The following CD180 variants were observed in gnomAD, a reference collection of about 807,000 sequenced individuals.
The protein encoded by CD180 is CD180 molecule.
A neutral mutation model predicts 10.7 loss-of-function variants in CD180; 11 were observed. That is an observed-to-expected ratio of 1.03 (90% CI 0.65 to 1.70). The LOEUF is 1.70. Ranked by LOEUF, CD180 falls within the 40% of genes most tolerant of loss-of-function variation. The probability of loss-of-function intolerance (pLI) is 0.00; values close to 1 mark genes in which losing one functional copy is unlikely to be tolerated. For synonymous variants in CD180, 286 were observed against 294.6 expected, an observed-to-expected ratio of 0.97 and a Z score of 0.30; for missense variants, 729 against 775.2, an observed-to-expected ratio of 0.94 and a Z score of 0.71.
intron 1 of CD180, among the ~76,000 whole-genome samples, chr5:67,195,414 G>T (rs1742381210): frequency 6.6e-6 from 1 of 152,072 alleles, no homozygotes; most frequent in Non-Finnish European, 1.5e-5. Context: ...ATGGGGTTTT[G>T]CCATGTTGCC....
intron 1 of CD180, among the ~76,000 whole-genome samples, chr5:67,192,011 C>G (rs5744486): frequency 0.077 from 11,723 of 152,094 alleles, 853 homozygotes; most frequent in East Asian, 0.18. Context: ...GATAATATCA[C>G]GGTCTTGAGG....
chr5:67,191,742 C>CAG (rs1005040993), intron 1 of CD180, among the ~76,000 whole-genome samples: 2 of 151,394 alleles, frequency 1.3e-5, no homozygotes, highest in African/African-American at 4.8e-5. Flanking sequence ...CAAACATTCA[C>CAG]AGAGAGAGAG....
chr5:67,192,223 T>C (rs371146489), intron 1 of CD180, among the ~76,000 whole-genome samples: 4 of 151,988 alleles, frequency 2.6e-5, no homozygotes, highest in Admixed American at 1.3e-4. Flanking sequence ...ACTCCGTCTC[T>C]ACTAAAAATA....
In CD180 at chr5:67,184,123, A is replaced by G. The variant is rs1742128130; in HGVS notation, c.720T>C (p.Asn240=). The change falls in exon 3 of 3, where the codon AAT becomes AAC. Residue 240 remains asparagine (N), a synonymous_variant. Coordinates refer to ENST00000256447, the MANE Select transcript of CD180 (RefSeq NM_005582.3). ...ACTGAGTAGTAGAGTTCTGCAGACC[A>G]TTGAATATAACAGACAAATTTGGAG... ...GGTPNLSVIF[N]GLQNSTTQSL... 1 of 1,614,160 alleles carries G rather than the reference A, an allele frequency of 6.2e-7. No individual in the cohort carries two copies. The highest frequency in any genetic ancestry group is 8.5e-7 in the Non-Finnish European group (1 of 1,180,018).
chr5:67,188,003 C>G (rs1742230546), intron 1 of CD180, among the ~76,000 whole-genome samples: 1 of 152,084 alleles, frequency 6.6e-6, no homozygotes, highest in African/African-American at 2.4e-5. Context: ...AACCCCGTCT[C>G]TACTAAAAAT....
At position 67,184,235 on chromosome 5, in the gene CD180, C is replaced by G. The variant is rs927022935; in HGVS notation, c.608G>C (p.Ser203Thr). ...MRSLEQAINL[S>T]LNFNGNNVKG... ...AACATTATTGCCATTGAAGTTCAGGCTTAGGTTGATGGCCTGCTCCAGAGA... is the reference window on the plus strand; with the variant it reads ...AACATTATTGCCATTGAAGTTCAGGGTTAGGTTGATGGCCTGCTCCAGAGA... The change falls in exon 3 of 3, where the codon AGC becomes ACC. Residue 203 changes from serine to threonine, a missense_variant. Ser to Thr is a moderately conservative substitution (Grantham distance 58, BLOSUM62 1). Transcript: ENST00000256447. The G allele has an allele frequency of 1.9e-6, 3 of 1,613,990 alleles. No homozygotes were observed. The highest frequency in any genetic ancestry group is 2.5e-6 in the Non-Finnish European group (3 of 1,180,018).
At chr5:67,189,426 C>T (rs571531445) in intron 1 of CD180, among the ~76,000 whole-genome samples, 53 of 152,140 alleles carry the variant, frequency 3.5e-4, no homozygotes, top group Non-Finnish European at 7.1e-4. Flanking sequence ...GAGTGGATGA[C>T]GCTACCAAGA....
Position 67,182,529 on chromosome 5 carries a change from A to C in CD180, c.*328T>G, listed in dbSNP as rs1742067501. On this transcript the variant is annotated 3_prime_UTR_variant, in exon 3 of 3. Coordinates refer to ENST00000256447, the MANE Select transcript of CD180 (RefSeq NM_005582.3). ...AGGGATGTCGGTGAGTAGAAGGGGA[A>C]TGGCCTCCCTGTGGGAGACTCCGGG... 5.2e-6 allele frequency: 1 copy of C among 193,256 alleles called. No homozygotes were observed. Among genetic ancestry groups the C allele is most frequent in the Non-Finnish European group, 1.1e-5 (1 of 94,212 alleles). The allele number at this position is 193,256 out of a possible 1,614,324, so 12.0% of individuals were successfully genotyped here.
Position 67,183,588 on chromosome 5 carries a change from A to G in CD180, c.1255T>C (p.Cys419Arg), listed in dbSNP as rs1383966833. Residue 419 changes from cysteine to arginine, a missense_variant, in exon 3 of 3, where the codon TGT (cysteine) becomes CGT (arginine). Transcript: ENST00000256447. ...AAATCGAGGAGTTCTAGCTGAGGACATTCTTTGAATGCCTGACTCTGGAGA... is the reference window on the plus strand; with the variant it reads ...AAATCGAGGAGTTCTAGCTGAGGACGTTCTTTGAATGCCTGACTCTGGAGA... ...LGLQSQAFKE[C>R]PQLELLDLAF... The G allele has an allele frequency of 3.1e-6, 5 of 1,614,222 alleles. No individual in the cohort carries two copies. The highest frequency in any genetic ancestry group is 4.2e-6 in the Non-Finnish European group (5 of 1,180,034).
chr5:67,189,217 A>G (rs1008810240), intron 1 of CD180, among the ~76,000 whole-genome samples: 2 of 152,328 alleles, frequency 1.3e-5, no homozygotes, highest in African/African-American at 4.8e-5. Flanking sequence ...TCCTGAATAT[A>G]TAAGTGCCCA....
At chr5:67,193,758 A>G (rs1199347172) in intron 1 of CD180, among the ~76,000 whole-genome samples, 1 of 152,214 alleles carries the variant, frequency 6.6e-6, no homozygotes, top group Non-Finnish European at 1.5e-5. Context: ...CTCCTGAGAC[A>G]TGAATAGCAC....
At chr5:67,184,907 T>C (rs958320122) in intron 2 of CD180, among the ~76,000 whole-genome samples, 6 of 152,066 alleles carry the variant, frequency 3.9e-5, no homozygotes, top group African/African-American at 1.2e-4. Flanking sequence ...ACAAAATATA[T>C]CATATAGAAT....
Position 67,181,747 on chromosome 5 carries a change from A to G in CD180, c.*1110T>C, listed in dbSNP as rs571865502. 17 of 152,288 alleles carry G rather than the reference A, an allele frequency of 1.1e-4. No individual in the cohort carries two copies. Among genetic ancestry groups the G allele is most frequent in the African/African-American group, 4.1e-4 (17 of 41,552 alleles). The allele number at this position is 152,288 out of a possible 1,614,324, so 9.4% of individuals were successfully genotyped here. On this transcript the variant is annotated 3_prime_UTR_variant, in exon 3 of 3. Transcript: ENST00000256447. ...TATGGCCCTTTAAGCCTAAGTCATG[A>G]CATTGCTCTTTGTCTATCTGCATTC...
intron 1 of CD180, 37 bp downstream of exon 1, chr5:67,196,515 A>G (rs1209909183): frequency 1.2e-6 from 2 of 1,609,806 alleles, no homozygotes; most frequent in Admixed American, 3.4e-5. Flanking sequence ...ATTTTCAGAC[A>G]GTTTAATCTG....
rs1323328066 is a variant in CD180, at chr5:67,183,098, G to C, written c.1745C>G (p.Thr582Ser). ...TGTTAAGAAATGAATATTCGAGCAA[G>C]TGCAGTCCAGGGGGTTATGACTTAA... ...INLSHNPLDC[T>S]CSNIHFLTWY... Residue 582 changes from threonine (T) to serine (S), a missense_variant, in exon 3 of 3, where the codon ACT becomes AGT. Thr to Ser is a moderately conservative substitution (Grantham distance 58, BLOSUM62 1). Coordinates refer to ENST00000256447, the MANE Select transcript of CD180 (RefSeq NM_005582.3). The C allele has an allele frequency of 6.2e-7, 1 of 1,611,568 alleles. No homozygotes were observed. The highest frequency in any genetic ancestry group is 8.5e-7 in the Non-Finnish European group (1 of 1,178,316).
At position 67,196,771 on chromosome 5, in the gene CD180, G is replaced by A. The variant is rs1742413806; in HGVS notation, c.-130C>T. ...GGGTGATCTTGGAACAAGAAATGCT[G>A]TTGACTGCTCAGCATTCTGTGGCTC... On this transcript the variant is annotated 5_prime_UTR_variant, in exon 1 of 3. An upstream open reading frame in the 5' UTR gains an earlier in-frame stop. Coordinates refer to ENST00000256447, the MANE Select transcript of CD180 (RefSeq NM_005582.3). 1.4e-6 allele frequency: 1 copy of A among 703,066 alleles called. No homozygotes were observed. Among genetic ancestry groups the A allele is most frequent in the South Asian group, 1.7e-5 (1 of 57,204 alleles). 43.6% of individuals were successfully genotyped at this position (703,066 alleles called of 1,614,324 possible). A position where few individuals can be genotyped will look rare whatever the true frequency, so the allele number is the denominator to read the frequency against.
At chr5:67,190,704 A>T (rs553258397) in intron 1 of CD180, among the ~76,000 whole-genome samples, 59 of 152,204 alleles carry the variant, frequency 3.9e-4, no homozygotes, top group Non-Finnish European at 6.5e-4. Context: ...GACCTGTGTC[A>T]TCTGCTTTGT....
intron 1 of CD180, among the ~76,000 whole-genome samples, chr5:67,191,771 CAT>C (rs1226326178): frequency 1.3e-5 from 2 of 151,992 alleles, no homozygotes; most frequent in Non-Finnish European, 2.9e-5. Context: ...AGAGAGAAAA[CAT>C]GTAGCATTTG....
chr5:67,184,040 A>G lies in CD180; in HGVS notation c.803T>C (p.Leu268Pro), dbSNP rs375216152. The G allele has an allele frequency of 4.3e-6, 7 of 1,614,048 alleles. No homozygotes were observed. The highest frequency in any genetic ancestry group is 5.9e-6 in the Non-Finnish European group (7 of 1,180,040). ...AACAGACATTTCACAGAGTCCCTTG[A>G]GCATGGCTGAACTAATATCTTCGTC... ...IDDEDISSAM[L>P]KGLCEMSVES... The change falls in exon 3 of 3, where the codon CTC becomes CCC. Residue 268 changes from leucine (L) to proline (P), a missense_variant. Transcript: ENST00000256447.
Sources: gnomAD v4.1 joint callset for allele counts (sites outside exome capture counted in the v4.1 genomes callset) on GRCh38, gnomAD v4.1.1 for gene constraint, MANE v1.5 for transcripts, NCBI Gene and HGNC (gene_info 2026-07-23, HGNC 2026-07-21) for gene names.